The following BRINP3 variants were observed in gnomAD, a reference collection of about 807,000 sequenced individuals.
The protein encoded by BRINP3 is BMP/retinoic acid-inducible neural-specific protein 3.
BRINP3 carries 19 observed loss-of-function variants against 71.0 expected under a neutral mutation model. The ratio of observed to expected loss-of-function variants is 0.27; its 90% CI spans 0.19 to 0.39. BRINP3 has a LOEUF of 0.39. Ranked by LOEUF, BRINP3 falls within the 10% of genes least tolerant of loss-of-function variation. The probability of loss-of-function intolerance (pLI) is 1.00; values close to 1 mark genes in which losing one functional copy is unlikely to be tolerated. For missense variants in BRINP3, 959 were observed against 940.8 expected (o/e 1.02, Z -0.25); for synonymous variants, 380 against 337.7 (o/e 1.13, Z -1.37).
At chr1:190,461,354 T>C (rs1676386378) in intron 1 of BRINP3, among the ~76,000 whole-genome samples, 1 of 152,180 alleles carries the variant, frequency 6.6e-6, no homozygotes, top group Non-Finnish European at 1.5e-5. Context: ...CTGCCTAACA[T>C]TGACCTTAAA....
At chr1:190,355,691 A>G (rs1389979865) in intron 2 of BRINP3, among the ~76,000 whole-genome samples, 2 of 151,924 alleles carry the variant, frequency 1.3e-5, no homozygotes, top group African/African-American at 4.8e-5. Flanking sequence ...CCTGGAAATA[A>G]TTCATATATG....
chr1:190,291,099 A>T (rs940145581), intron 2 of BRINP3, among the ~76,000 whole-genome samples: 2 of 152,154 alleles, frequency 1.3e-5, no homozygotes, highest in Admixed American at 6.6e-5. Flanking sequence ...GTATAGATTA[A>T]TCTTTTATTG....
At chr1:190,169,466 T>A (rs1651827798) in intron 6 of BRINP3, among the ~76,000 whole-genome samples, 1 of 152,144 alleles carries the variant, frequency 6.6e-6, no homozygotes, top group African/African-American at 2.4e-5. Context: ...AGCCAGCATC[T>A]CCAATCCTTT....
intron 6 of BRINP3, among the ~76,000 whole-genome samples, chr1:190,180,706 A>G (rs977008108): frequency 2.0e-5 from 3 of 152,086 alleles, no homozygotes; most frequent in African/African-American, 4.8e-5. Context: ...TCTAACTCCA[A>G]TGGATTTTTC....
intron 7 of BRINP3, among the ~76,000 whole-genome samples, chr1:190,156,514 A>AT (rs34512031): frequency 0.082 from 12,266 of 150,486 alleles, 569 homozygotes; most frequent in East Asian, 0.11. Flanking sequence ...TCCAGTACAT[A>AT]TTTTTTTTTT....
At chr1:190,208,504 A>T (rs1655710543) in intron 6 of BRINP3, among the ~76,000 whole-genome samples, 1 of 151,656 alleles carries the variant, frequency 6.6e-6, no homozygotes, top group Non-Finnish European at 1.5e-5. Flanking sequence ...TTATTTATTT[A>T]TTTTTTGAGA....
intron 7 of BRINP3, among the ~76,000 whole-genome samples, chr1:190,143,783 A>G (rs368495798): frequency 6.6e-6 from 1 of 152,296 alleles, no homozygotes; most frequent in African/African-American, 2.4e-5. Flanking sequence ...TTTTAGCCAA[A>G]TTCAAGGTGG....
At chr1:190,420,286 T>G (rs1448179370) in intron 2 of BRINP3, among the ~76,000 whole-genome samples, 1 of 152,008 alleles carries the variant, frequency 6.6e-6, no homozygotes, top group Non-Finnish European at 1.5e-5. Context: ...TCCCTGAATG[T>G]ACACCTTTAA....
At chr1:190,279,401 A>G (rs189576532) in intron 3 of BRINP3, among the ~76,000 whole-genome samples, 5 of 151,970 alleles carry the variant, frequency 3.3e-5, no homozygotes, top group South Asian at 2.1e-4. Context: ...ATGTCCCATC[A>G]CATAGGTGTT....
At chr1:190,173,646 A>G (rs1037152889) in intron 6 of BRINP3, among the ~76,000 whole-genome samples, 1 of 152,230 alleles carries the variant, frequency 6.6e-6, no homozygotes, top group African/African-American at 2.4e-5. Flanking sequence ...GAAATTATTG[A>G]AGACTCCAAA....
chr1:190,311,629 C>G (rs73058715), intron 2 of BRINP3, among the ~76,000 whole-genome samples: 2,666 of 151,406 alleles, frequency 0.018, 87 homozygotes, highest in African/African-American at 0.061. Flanking sequence ...ATGTTATCTT[C>G]AGTTAATATG....
At chr1:190,380,919 T>G (rs555946877) in intron 2 of BRINP3, among the ~76,000 whole-genome samples, 3 of 152,156 alleles carry the variant, frequency 2.0e-5, no homozygotes, top group Non-Finnish European at 2.9e-5. Context: ...ATAACACATT[T>G]TATCCCTCCT....
At chr1:190,101,828 A>C (rs994095256) in intron 7 of BRINP3, among the ~76,000 whole-genome samples, 2 of 152,200 alleles carry the variant, frequency 1.3e-5, no homozygotes, top group Admixed American at 6.5e-5. Context: ...AGCTCACAAA[A>C]GTAGGGCACT....
chr1:190,191,750 T>C (rs1358812466), intron 6 of BRINP3, among the ~76,000 whole-genome samples: 2 of 152,018 alleles, frequency 1.3e-5, no homozygotes, highest in Admixed American at 1.3e-4. Flanking sequence ...TCTCAATGAG[T>C]TGCAAATGAA....
chr1:190,117,857 G>A (rs758985620), intron 7 of BRINP3, among the ~76,000 whole-genome samples: 16 of 151,740 alleles, frequency 1.1e-4, no homozygotes, highest in Non-Finnish European at 1.9e-4. Context: ...TTTTTCAGTC[G>A]TTTCTTTTTT....
chr1:190,307,925 A>C (rs148906124), intron 2 of BRINP3, among the ~76,000 whole-genome samples: 26 of 152,090 alleles, frequency 1.7e-4, no homozygotes, highest in South Asian at 4.1e-4. Context: ...AGAAGCAAAA[A>C]TCTGAGAAAG....
chr1:190,406,726 G>C (rs1478722334), intron 2 of BRINP3, among the ~76,000 whole-genome samples: 1 of 152,058 alleles, frequency 6.6e-6, no homozygotes, highest in Admixed American at 6.6e-5. Flanking sequence ...AAAAATAAGT[G>C]TTACATGTAA....
At chr1:190,374,279 AATCT>A (rs548928440) in intron 2 of BRINP3, among the ~76,000 whole-genome samples, 27 of 152,214 alleles carry the variant, frequency 1.8e-4, no homozygotes, top group African/African-American at 6.5e-4. Flanking sequence ...TGTGAAAAGA[AATCT>A]ATCTGTCTGT....
chr1:190,112,140 CA>C (rs1652749489), intron 7 of BRINP3, among the ~76,000 whole-genome samples: 1 of 151,804 alleles, frequency 6.6e-6, no homozygotes, highest in Non-Finnish European at 1.5e-5. Flanking sequence ...GTACAACAAT[CA>C]AAAAAAGTAG....
Sources: gnomAD v4.1 joint callset for allele counts (sites outside exome capture counted in the v4.1 genomes callset) on GRCh38, gnomAD v4.1.1 for gene constraint, MANE v1.5 for transcripts, NCBI Gene and HGNC (gene_info 2026-07-23, HGNC 2026-07-21) for gene names.